Variants in SSH2 observed in about 807,000 individuals in gnomAD.
SSH2 encodes the protein protein phosphatase Slingshot homolog 2.
In SSH2, 37 loss-of-function variants were observed where a neutral mutation model predicts 135.2. That is an observed-to-expected ratio of 0.27 (90% CI 0.21 to 0.36). SSH2 has a LOEUF of 0.36. SSH2 is among the 10% of genes least tolerant of loss of function. The probability of loss-of-function intolerance (pLI) is 1.00; values close to 1 mark genes in which losing one functional copy is unlikely to be tolerated. For synonymous variants in SSH2, 628 were observed against 646.2 expected, an observed-to-expected ratio of 0.97 and a Z score of 0.43; for missense variants, 1,408 against 1,765.3, an observed-to-expected ratio of 0.80 and a Z score of 3.63.
chr17:29,893,937 C>T (rs2151448364), intron 1 of SSH2, among the ~76,000 whole-genome samples: 1 of 152,186 alleles, frequency 6.6e-6, no homozygotes, highest in East Asian at 1.9e-4. Context: ...GTCTTATTTG[C>T]AGGATTTTCC....
chr17:29,716,596 C>T (rs2039632598), intron 3 of SSH2: 14 of 695,714 alleles, frequency 2.0e-5, no homozygotes, highest in Middle Eastern at 5.4e-4. Context: ...TATAGATTCG[C>T]ATATGCATGG....
intron 2 of SSH2, among the ~76,000 whole-genome samples, chr17:29,797,951 GA>G (rs1247413669): frequency 6.6e-6 from 1 of 151,968 alleles, no homozygotes; most frequent in Non-Finnish European, 1.5e-5. Flanking sequence ...GGGGGGGATT[GA>G]CATAAGTTTT....
intron 8 of SSH2, among the ~76,000 whole-genome samples, chr17:29,674,767 A>G (rs1297733148): frequency 1.3e-5 from 2 of 152,196 alleles, no homozygotes; most frequent in Non-Finnish European, 2.9e-5. Context: ...CCGTAATGAT[A>G]GCTGATGAGC....
At chr17:29,635,268 G>A (rs188886397) in intron 15 of SSH2, among the ~76,000 whole-genome samples, 8 of 149,182 alleles carry the variant, frequency 5.4e-5, no homozygotes, top group African/African-American at 1.3e-4. Flanking sequence ...ATTCACACAT[G>A]TCTAGTCTTT....
At chr17:29,712,576 G>C (rs1598858551) in intron 3 of SSH2, among the ~76,000 whole-genome samples, 1 of 152,304 alleles carries the variant, frequency 6.6e-6, no homozygotes, top group East Asian at 1.9e-4. Flanking sequence ...GGCCAAGGTG[G>C]GTGGATCACT....
chr17:29,760,465 C>T (rs773554297), intron 3 of SSH2, among the ~76,000 whole-genome samples: 1 of 152,176 alleles, frequency 6.6e-6, no homozygotes, highest in Non-Finnish European at 1.5e-5. Context: ...AGCTTCAGCA[C>T]ACACACTTCT....
intron 3 of SSH2, among the ~76,000 whole-genome samples, chr17:29,744,348 G>C (rs1376771011): frequency 6.6e-6 from 1 of 152,180 alleles, no homozygotes; most frequent in African/African-American, 2.4e-5. Flanking sequence ...CAGGCCGAGG[G>C]ACAGGGTTGG....
chr17:29,790,728 GA>G (rs2042049488), intron 3 of SSH2, among the ~76,000 whole-genome samples: 1 of 150,410 alleles, frequency 6.6e-6, no homozygotes, highest in Non-Finnish European at 1.5e-5. Flanking sequence ...TGTACTGAAA[GA>G]TTTTTTTTTT....
At chr17:29,802,915 G>A (rs1009028340) in intron 2 of SSH2, among the ~76,000 whole-genome samples, 7 of 152,170 alleles carry the variant, frequency 4.6e-5, no homozygotes, top group African/African-American at 1.4e-4. Flanking sequence ...AGTTACCTCA[G>A]CCCTTGGAAA....
intron 3 of SSH2, among the ~76,000 whole-genome samples, chr17:29,745,305 G>A (rs374875862): frequency 6.8e-4 from 104 of 152,004 alleles, no homozygotes; most frequent in Middle Eastern, 3.4e-3. Context: ...GATTACAGGC[G>A]CCCATCACCA....
intron 3 of SSH2, among the ~76,000 whole-genome samples, chr17:29,759,822 T>A (rs572329028): frequency 6.6e-6 from 1 of 152,240 alleles, no homozygotes; most frequent in Non-Finnish European, 1.5e-5. Flanking sequence ...CATCCATCCA[T>A]GGACACTTGG....
At chr17:29,772,987 C>T (rs946014742) in intron 3 of SSH2, among the ~76,000 whole-genome samples, 1 of 152,010 alleles carries the variant, frequency 6.6e-6, no homozygotes, top group Non-Finnish European at 1.5e-5. Context: ...GACTTCTCGG[C>T]TTCCATAATT....
chr17:29,913,347 A>AAAATTATATATATAT lies in SSH2; in HGVS notation c.63+16590_63+16591insATATATATATAATTT. ...AAAAAAAAAAAAAAAAAAAAAAAAA[A>AAAATTATATATATAT]ATATATATATATATATATATATATA... On this transcript the variant is annotated intron_variant, in intron 1 of 15. Coordinates refer to ENST00000540801, the MANE Select transcript of SSH2 (RefSeq NM_001282129.2). 2.1e-4 allele frequency among the ~76,000 whole-genome samples: 6 copies of AAAATTATATATATAT among 28,786 alleles called. 3 individuals carry two copies. In the East Asian group the frequency reaches 8.9e-3, roughly 43 times the overall value. The allele number at this position is 28,786 out of a possible 152,430, so 18.9% of individuals were successfully genotyped here.
chr17:29,761,871 G>GTGTGTATATA (rs1334168372), intron 3 of SSH2, among the ~76,000 whole-genome samples: 10 of 98,774 alleles, frequency 1.0e-4, no homozygotes, highest in African/African-American at 4.3e-4. Flanking sequence ...GTGTGTGTGT[G>GTGTGTATATA]TATATATATA....
In SSH2 at chr17:29,872,995, C is replaced by CA. The variant is rs891795534; in HGVS notation, c.64-24067dup. On this transcript the variant is annotated intron_variant, in intron 1 of 15. Transcript: ENST00000540801. ...TGGGCAACAGAGTGAAACTTGGTCT[C>CA]AAAAAAAAAAAAAGTATTTTTTGGT... is the stretch of plus-strand genomic sequence containing the variant. 8.8e-3 allele frequency among the ~76,000 whole-genome samples: 1,146 copies of CA among 129,738 alleles called. 19 individuals are homozygous for CA. Among genetic ancestry groups the CA allele is most frequent in the African/African-American group, 0.03 (1,037 of 35,122 alleles). 85.1% of individuals were successfully genotyped at this position (129,738 alleles called of 152,430 possible).
chr17:29,641,995 C>G (rs1040800276), intron 14 of SSH2, among the ~76,000 whole-genome samples: 1 of 149,166 alleles, frequency 6.7e-6, no homozygotes. Flanking sequence ...ATCAGGCTGC[C>G]TATAGTTACT....
chr17:29,815,123 ATTTTTTTTTTT>A (rs71360722), intron 2 of SSH2, among the ~76,000 whole-genome samples: 1 of 98,036 alleles, frequency 1.0e-5, no homozygotes, highest in Non-Finnish European at 2.0e-5. Flanking sequence ...TATTTTTTGT[ATTTTTTTTTTT>A]TTTTTTTTTG....
intron 14 of SSH2, chr17:29,639,766 T>C (rs1375451758): frequency 1.3e-5 from 2 of 152,034 alleles, no homozygotes; most frequent in Non-Finnish European, 2.9e-5. Flanking sequence ...GCTGACTGTT[T>C]GGATAGGTGG....
At chr17:29,921,545 A>G (rs1027425557) in intron 1 of SSH2, among the ~76,000 whole-genome samples, 1 of 152,136 alleles carries the variant, frequency 6.6e-6, no homozygotes, top group Non-Finnish European at 1.5e-5. Context: ...AAATATGACT[A>G]TATCTGTTGA....
Sources: gnomAD v4.1 joint callset for allele counts (sites outside exome capture counted in the v4.1 genomes callset) on GRCh38, gnomAD v4.1.1 for gene constraint, MANE v1.5 for transcripts, NCBI Gene and HGNC (gene_info 2026-07-23, HGNC 2026-07-21) for gene names.